SNRNP200: variants seen among roughly 807,000 people sequenced by gnomAD.
SNRNP200 encodes U5 small nuclear ribonucleoprotein 200 kDa helicase.
Under a neutral mutation model 255.2 loss-of-function variants are expected in SNRNP200, and 66 were observed. That is an observed-to-expected ratio of 0.26 (90% CI 0.21 to 0.32). The LOEUF (loss-of-function observed/expected upper bound fraction) is 0.32. SNRNP200 is among the 10% of genes least tolerant of loss of function. SNRNP200 has a pLI of 1.00. For synonymous variants in SNRNP200, 939 were observed against 1,027.8 expected (o/e 0.91, Z 1.65); for missense variants, 1,585 against 2,749.8 (o/e 0.58, Z 9.47).
intron 31 of SNRNP200, 59 bp downstream of exon 31, chr2:96,284,299 A>C (rs768505406): frequency 3.0e-5 from 44 of 1,477,910 alleles, no homozygotes; most frequent in Non-Finnish European, 3.8e-5. Flanking sequence ...ATTAGGTCCA[A>C]TGCCAAGGCC....
Position 96,277,091 on chromosome 2 carries a change from T to C in SNRNP200, c.6082A>G (p.Ser2028Gly), listed in dbSNP as rs766856664. 5.0e-5 allele frequency: 81 copies of C among 1,614,114 alleles called. No homozygotes were observed. In the African/African-American group the frequency reaches 9.5e-4, roughly 19 times the overall value. The change falls in exon 42 of 45, where the codon AGC (serine) becomes GGC (glycine). Residue 2028 changes from serine (S) to glycine (G), a missense_variant. Around this residue, in one of 9 missense-constraint regions of SNRNP200, gnomAD observed 279 missense variants for 551.2 expected, o/e 0.51. Transcript: ENST00000323853. This position sits in a 1 kb window ranked among gnomAD's most constrained non-coding sequence, Gnocchi z 4.4. ...CCACCTCTGGCTCACCTGCGGATGC[T>C]GTCCTTATCTACCACCTCATAAGAT... ...ELSYEVVDKD[S>G]IRSGGPVVVL...
rs2063849996 is a variant in SNRNP200 at position 96,287,291 on chromosome 2, C to T, written c.3485-131G>A. 1 of 1,312,568 alleles carries T rather than the reference C, an allele frequency of 7.6e-7. No homozygotes were observed. The highest frequency in any genetic ancestry group is 1.4e-5 in the African/African-American group (1 of 69,142). 81.3% of individuals were successfully genotyped at this position (1,312,568 alleles called of 1,614,324 possible). A position where few individuals can be genotyped will look rare whatever the true frequency, so the allele number is the denominator to read the frequency against. On this transcript the variant is annotated intron_variant, in intron 26 of 44. Coordinates refer to ENST00000323853, the MANE Select transcript of SNRNP200 (RefSeq NM_014014.5). The surrounding 1 kb of genome is among the most constrained non-coding windows in gnomAD (Gnocchi z 5.7). Reference sequence around the variant, plus strand: ...TCAGTGGAGCCCAGGATTCCAAGTCCCCAGACCAAGGGCCAGCCTGTACTT... The same window carrying T: ...TCAGTGGAGCCCAGGATTCCAAGTCTCCAGACCAAGGGCCAGCCTGTACTT...
intron 9 of SNRNP200, 139 bp from the exon 10 acceptor site, chr2:96,297,859 A>C (rs1466157929): frequency 2.3e-6 from 2 of 878,644 alleles, no homozygotes; most frequent in Non-Finnish European, 3.7e-6. Flanking sequence ...AGTGCTTTAC[A>C]TGGGGACCAC....
At chr2:96,289,474 C>CT (rs970393855) in intron 21 of SNRNP200, 95 bp from the exon 22 acceptor site, 604 of 1,385,878 alleles carry the variant, frequency 4.4e-4, no homozygotes, top group Non-Finnish European at 5.4e-4. Flanking sequence ...GTTTTTTGTA[C>CT]TTTTTTTTTG....
intron 14 of SNRNP200, among the ~76,000 whole-genome samples, chr2:96,294,072 T>C (rs962098651): frequency 7.1e-6 from 1 of 141,012 alleles, no homozygotes; most frequent in African/African-American, 2.7e-5. Context: ...AGGCTTCAAG[T>C]AGCAAAGCTC....
At chr2:96,303,480 C>A (rs1191558091) in intron 2 of SNRNP200, 150 bp from the exon 3 acceptor site, 17 of 974,576 alleles carry the variant, frequency 1.7e-5, no homozygotes, top group Non-Finnish European at 2.4e-5. Flanking sequence ...TTCCGTTTGG[C>A]CTTAATCACT....
intron 9 of SNRNP200, 109 bp from the exon 10 acceptor site, chr2:96,297,829 A>G: frequency 8.7e-7 from 1 of 1,146,208 alleles, no homozygotes; most frequent in East Asian, 2.5e-5. Context: ...GCTGACTAGT[A>G]AGTCGTGAAA....
Position 96,297,464 on chromosome 2 carries a change from T to C in SNRNP200, c.1276A>G (p.Lys426Glu). 1 of 1,614,182 alleles carries C rather than the reference T, an allele frequency of 6.2e-7. No homozygotes were observed. The highest frequency in any genetic ancestry group is 8.5e-7 in the Non-Finnish European group (1 of 1,180,032). Reference protein sequence around the residue: ...FTQGSHFMANKRCQLPDGSFR... With the variant: ...FTQGSHFMANERCQLPDGSFR... ...GATCCATCAGGAAGCTGACAGCGTT[T>C]ATTGGCCATAAAGTGGCTCCCTTGG... Residue 426 changes from lysine (K) to glutamate (E), a missense_variant, in exon 11 of 45, where the codon AAA becomes GAA. By Grantham distance (56) the Lys-to-Glu change is moderately conservative. Coordinates refer to ENST00000323853, the MANE Select transcript of SNRNP200 (RefSeq NM_014014.5).
Position 96,281,872 on chromosome 2 carries a change from C to A in SNRNP200, c.4966G>T (p.Val1656Leu). ...ATGATGATTACCAGGTGGGCAGCCACGTTCATGCCCCAGCAGAGACTCCGA... is the reference window on the plus strand; with the variant it reads ...ATGATGATTACCAGGTGGGCAGCCAAGTTCATGCCCCAGCAGAGACTCCGA... ...ASRSLCWGMN[V>L]AAHLVIIMDT... Residue 1656 changes from valine (V) to leucine (L), a missense_variant, in exon 35 of 45, where the codon GTG (valine) becomes TTG (leucine). Transcript: ENST00000323853. 1 of 1,614,154 alleles carries A rather than the reference C, an allele frequency of 6.2e-7. No homozygotes were observed. Among genetic ancestry groups the A allele is most frequent in the Non-Finnish European group, 8.5e-7 (1 of 1,180,022 alleles).
chr2:96,303,473 C>T (rs1275545684), intron 2 of SNRNP200, 143 bp from the exon 3 acceptor site: 10 of 1,022,052 alleles, frequency 9.8e-6, no homozygotes, highest in Admixed American at 7.0e-5. Flanking sequence ...CAAATGATTC[C>T]GTTTGGCCTT....
rs369530753 is a variant in SNRNP200, at chr2:96,293,458, C to T, written c.1894G>A (p.Val632Met). ...TCAATGTTTCGGATGGCCCTGGCCA[C>T]TAAAGCTTCTAAGACAGGACCTCTG... ...DDRGPVLEALVARAIRNIEMT... is the reference protein window; with the variant it reads ...DDRGPVLEALMARAIRNIEMT... Residue 632 changes from valine to methionine, a missense_variant, in exon 15 of 45, where the codon GTG (valine) becomes ATG (methionine). Coordinates refer to ENST00000323853, the MANE Select transcript of SNRNP200 (RefSeq NM_014014.5). 4 of 1,612,898 alleles carry T rather than the reference C, an allele frequency of 2.5e-6. No individual in the cohort carries two copies. The highest frequency in any genetic ancestry group is 3.4e-6 in the Non-Finnish European group (4 of 1,180,034).
Position 96,288,669 on chromosome 2 carries a change from G to A in SNRNP200, c.3252C>T (p.Val1084=). The change falls in exon 24 of 45, where the codon GTC becomes GTT. Residue 1084 remains valine (V), a synonymous_variant. Transcript: ENST00000323853. ...GFALMADMVY[V]TQSAGRLMRA... ...CATACAACTCCGCTCTCACCTGTGT[G>A]ACATACACCATGTCAGCCATCAGTG... 1 of 1,613,778 alleles carries A rather than the reference G, an allele frequency of 6.2e-7. No individual in the cohort carries two copies. Among genetic ancestry groups the A allele is most frequent in the Non-Finnish European group, 8.5e-7 (1 of 1,179,722 alleles).
intron 35 of SNRNP200, among the ~76,000 whole-genome samples, chr2:96,280,461 G>A (rs1238911116): frequency 2.0e-5 from 3 of 151,808 alleles, no homozygotes; most frequent in African/African-American, 4.8e-5. Context: ...TCATACCACC[G>A]CATTCCAGCC....
chr2:96,288,592 G>T, intron 24 of SNRNP200, 71 bp downstream of exon 24: 1 of 1,354,298 alleles, frequency 7.4e-7, no homozygotes. Context: ...CTTTCCCCAG[G>T]ATGCACACAG....
chr2:96,299,750 G>A (rs769741939), intron 5 of SNRNP200, among the ~76,000 whole-genome samples: 117 of 152,166 alleles, frequency 7.7e-4, no homozygotes, highest in Non-Finnish European at 2.6e-4. Context: ...CTATACAGAG[G>A]CATGCCTGGG....
intron 5 of SNRNP200, 46 bp from the exon 6 acceptor site, chr2:96,299,473 C>T (rs1434948937): frequency 6.8e-7 from 1 of 1,473,372 alleles, no homozygotes; most frequent in Non-Finnish European, 9.5e-7. Context: ...GCTGATCCTG[C>T]ATCACCACAG....
chr2:96,281,753 C>G, intron 35 of SNRNP200, 61 bp downstream of exon 35: 1 of 1,281,226 alleles, frequency 7.8e-7, no homozygotes, highest in Non-Finnish European at 1.1e-6. Flanking sequence ...TGTGTATCTG[C>G]AGATTCACAT....
rs2063875151 is a variant in SNRNP200, at chr2:96,290,128, G to C, written c.2743-132C>G. On this transcript the variant is annotated intron_variant, in intron 20 of 44. Coordinates refer to ENST00000323853, the MANE Select transcript of SNRNP200 (RefSeq NM_014014.5). The surrounding 1 kb of genome is among the most constrained non-coding windows in gnomAD (Gnocchi z 4.5). ...TTACATCGTATTCTGAATGTTTTTAGCATTTCATTATTAAAAAGATCTAAG... is the reference window on the plus strand; with the variant it reads ...TTACATCGTATTCTGAATGTTTTTACCATTTCATTATTAAAAAGATCTAAG... 9.5e-7 allele frequency: 1 copy of C among 1,053,736 alleles called. No homozygotes were observed. The highest frequency in any genetic ancestry group is 1.6e-5 in the African/African-American group (1 of 63,722). 65.3% of individuals were successfully genotyped at this position (1,053,736 alleles called of 1,614,324 possible). A position where few individuals can be genotyped will look rare whatever the true frequency, so the allele number is the denominator to read the frequency against.
chr2:96,297,727 T>A lies in SNRNP200; in HGVS notation c.1120-7A>T, dbSNP rs1296657022. ...CTCTCCGGGACCTTTCCTCCTGTAG[T>A]GGACAAAGATAAAAATCACAAAAAC... is the stretch of plus-strand genomic sequence containing the variant. On this transcript the variant is annotated splice_polypyrimidine_tract_variant and splice_region_variant and intron_variant, in intron 9 of 44. Transcript: ENST00000323853. 2 of 1,614,002 alleles carry A rather than the reference T, an allele frequency of 1.2e-6. No individual in the cohort carries two copies. The highest frequency in any genetic ancestry group is 3.3e-5 in the Admixed American group (2 of 60,010).
Sources: allele counts gnomAD v4.1 joint callset (sites outside exome capture counted in the v4.1 genomes callset), GRCh38; gene constraint gnomAD v4.1.1; regional missense constraint gnomAD v4.1.1; non-coding constraint Gnocchi (gnomAD v3.1); transcripts MANE v1.5; gene names NCBI Gene and HGNC (gene_info 2026-07-23, HGNC 2026-07-21).